Variants in CFDP1 observed in about 807,000 individuals in gnomAD.
CFDP1 encodes the protein chromatin remodeling protein CFDP1, also known as heterochromatin-stabilizing protein CFDP1.
Under a neutral mutation model 40.1 loss-of-function variants are expected in CFDP1, and 31 were observed. That is an observed-to-expected ratio of 0.77 (90% CI 0.58 to 1.04). The LOEUF is 1.04. Among genes scored for constraint, CFDP1 ranks in the 50% least tolerant of loss-of-function variants. The probability of loss-of-function intolerance (pLI) is 0.00; values close to 1 mark genes in which losing one functional copy is unlikely to be tolerated. For synonymous variants in CFDP1, 167 were observed against 120.0 expected, an observed-to-expected ratio of 1.39 and a Z score of -2.56; for missense variants, 423 against 343.4, an observed-to-expected ratio of 1.23 and a Z score of -1.83.
At chr16:75,358,932 AATC>A (rs1171396553) in intron 5 of CFDP1, among the ~76,000 whole-genome samples, 1 of 152,008 alleles carries the variant, frequency 6.6e-6, no homozygotes, top group Non-Finnish European at 1.5e-5. Flanking sequence ...ATAACCCAGT[AATC>A]AGCAGTTCTG....
intron 5 of CFDP1, among the ~76,000 whole-genome samples, chr16:75,352,133 G>A (rs978766650): frequency 2.0e-5 from 3 of 151,788 alleles, no homozygotes; most frequent in Admixed American, 1.3e-4. Context: ...TTGAGGTCAG[G>A]AGTTTGAGAC....
intron 5 of CFDP1, among the ~76,000 whole-genome samples, chr16:75,383,541 C>A (rs1016717073): frequency 1.3e-5 from 2 of 152,032 alleles, no homozygotes; most frequent in African/African-American, 2.4e-5. Flanking sequence ...ACAGCCCCAG[C>A]GAGGCGCTGT....
At chr16:75,398,399 G>C (rs1449899005) in intron 4 of CFDP1, among the ~76,000 whole-genome samples, 1 of 152,188 alleles carries the variant, frequency 6.6e-6, no homozygotes, top group Non-Finnish European at 1.5e-5. Context: ...ACCCCAGTTA[G>C]AGGGGGAGTC....
chr16:75,410,765 C>T (rs769215746), intron 4 of CFDP1, among the ~76,000 whole-genome samples: 30 of 151,454 alleles, frequency 2.0e-4, no homozygotes, highest in Non-Finnish European at 3.2e-4. Context: ...AAAAATTAGC[C>T]GGGCATGGTG....
At chr16:75,414,728 A>G (rs2079190291) in intron 1 of CFDP1, 33 bp from the exon 2 acceptor site, 1 of 1,399,704 alleles carries the variant, frequency 7.1e-7, no homozygotes, top group African/African-American at 1.4e-5. Context: ...TCAGACAGGA[A>G]TAAAGGTTTT....
rs966920530 is a variant in CFDP1, at chr16:75,315,018, C to T, written c.651-9836G>A. ...CCGCCTGCCTCAGCCTCCCAAAGTG[C>T]AGAGATTACAGGTGTGAGCCACCAT... On this transcript the variant is annotated intron_variant, in intron 5 of 6. Coordinates refer to ENST00000283882, the MANE Select transcript of CFDP1 (RefSeq NM_006324.3). Among the ~76,000 whole-genome samples, 5 of 152,228 alleles carry T rather than the reference C, an allele frequency of 3.3e-5. No individual in the cohort carries two copies. In the South Asian group the frequency reaches 1.0e-3, roughly 32 times the overall value.
chr16:75,397,570 A>G (rs1259024488), intron 4 of CFDP1, among the ~76,000 whole-genome samples: 13 of 150,666 alleles, frequency 8.6e-5, no homozygotes, highest in Non-Finnish European at 1.2e-4. Flanking sequence ...TGGGAGACTG[A>G]GGCGGGCAGA....
rs190439305 is a variant in CFDP1 at position 75,414,689 on chromosome 16, T to G, written c.71A>C (p.Glu24Ala). The G allele has an allele frequency of 8.1e-6, 13 of 1,597,380 alleles. No homozygotes were observed. In the Admixed American group the frequency reaches 1.5e-4, roughly 18 times the overall value. ...TTCATTTACATCATCTTCACTATAC[T>G]CTCCACCTGAAATCACATAACAGGG... ...EDEDYVPSGG[E>A]YSEDDVNELV... Residue 24 changes from glutamate to alanine, a missense_variant, in exon 2 of 7, where the codon GAG (glutamate) becomes GCG (alanine). By Grantham distance (107) the Glu-to-Ala change is moderately radical (BLOSUM62 -1). Coordinates refer to ENST00000283882, the MANE Select transcript of CFDP1 (RefSeq NM_006324.3).
intron 4 of CFDP1, among the ~76,000 whole-genome samples, chr16:75,411,156 C>T (rs1244045316): frequency 1.3e-5 from 2 of 151,618 alleles, no homozygotes; most frequent in African/African-American, 2.4e-5. Context: ...AGGTGGAGGT[C>T]GCAATGAGCC....
chr16:75,357,348 G>A (rs777426808), intron 5 of CFDP1, among the ~76,000 whole-genome samples: 2 of 151,922 alleles, frequency 1.3e-5, no homozygotes, highest in African/African-American at 2.4e-5. Flanking sequence ...TCCACCTCCC[G>A]AGTTCAAGCG....
chr16:75,428,135 T>G (rs1057228812), intron 1 of CFDP1, among the ~76,000 whole-genome samples: 5 of 151,898 alleles, frequency 3.3e-5, no homozygotes, highest in Admixed American at 6.6e-5. Context: ...AAATTTGTTT[T>G]TTTTTTTTTT....
chr16:75,354,503 A>C (rs1299690814), intron 5 of CFDP1, among the ~76,000 whole-genome samples: 1 of 152,192 alleles, frequency 6.6e-6, no homozygotes, highest in Non-Finnish European at 1.5e-5. Flanking sequence ...AAAAAATCCA[A>C]GACATATCTC....
chr16:75,417,913 G>A (rs974140511), intron 1 of CFDP1, among the ~76,000 whole-genome samples: 1 of 151,788 alleles, frequency 6.6e-6, no homozygotes, highest in Non-Finnish European at 1.5e-5. Context: ...AATTAATCAC[G>A]TTAGGAATCT....
chr16:75,412,578 T>A lies in CFDP1; in HGVS notation c.359A>T (p.Asp120Val). ...GGGCACTTTTGATTTTGGTCCCACATCATTGAGGAAGCTGGCCCAGAGTTC... is the reference window on the plus strand; with the variant it reads ...GGGCACTTTTGATTTTGGTCCCACAACATTGAGGAAGCTGGCCCAGAGTTC... Reference protein sequence around the residue: ...EDELWASFLNDVGPKSKVPPS... With the variant: ...EDELWASFLNVVGPKSKVPPS... The change falls in exon 3 of 7, where the codon GAT (aspartate) becomes GTT (valine). Residue 120 changes from aspartate to valine, a missense_variant. Coordinates refer to ENST00000283882, the MANE Select transcript of CFDP1 (RefSeq NM_006324.3). 6.2e-7 allele frequency: 1 copy of A among 1,614,174 alleles called. No homozygotes were observed. The highest frequency in any genetic ancestry group is 8.5e-7 in the Non-Finnish European group (1 of 1,180,014).
intron 5 of CFDP1, chr16:75,394,658 C>T (rs12932007): frequency 0.23 from 24,091 of 105,228 alleles, 2,819 homozygotes; most frequent in Middle Eastern, 0.36. Context: ...ATTTTCTTCG[C>T]TTTTTTTTTT....
chr16:75,424,493 C>G (rs1166722865), intron 1 of CFDP1, among the ~76,000 whole-genome samples: 2 of 152,162 alleles, frequency 1.3e-5, no homozygotes, highest in Non-Finnish European at 2.9e-5. Flanking sequence ...CGGTGGCTCA[C>G]GCCTATAATC....
intron 4 of CFDP1, among the ~76,000 whole-genome samples, chr16:75,401,283 C>A (rs148048333): frequency 6.6e-6 from 1 of 151,992 alleles, no homozygotes; most frequent in Non-Finnish European, 1.5e-5. Context: ...AAAATATTAG[C>A]CAGGCTTGGT....
intron 5 of CFDP1, among the ~76,000 whole-genome samples, chr16:75,332,777 T>C (rs1187227225): frequency 1.3e-5 from 2 of 151,266 alleles, no homozygotes; most frequent in Non-Finnish European, 2.9e-5. Flanking sequence ...TTTTTCTGTC[T>C]GTGGCTTGCC....
chr16:75,366,252 G>A (rs1486056115), intron 5 of CFDP1, among the ~76,000 whole-genome samples: 1 of 151,480 alleles, frequency 6.6e-6, no homozygotes, highest in Non-Finnish European at 1.5e-5. Flanking sequence ...TTTGTTTTCT[G>A]GCAGTTGTCC....
Sources: gnomAD v4.1 joint callset for allele counts (sites outside exome capture counted in the v4.1 genomes callset) on GRCh38, gnomAD v4.1.1 for gene constraint, MANE v1.5 for transcripts, NCBI Gene and HGNC (gene_info 2026-07-23, HGNC 2026-07-21) for gene names.